S100PBP: variants seen among roughly 807,000 people sequenced by gnomAD.
S100PBP encodes S100P binding protein.
S100PBP carries 15 observed loss-of-function variants against 39.9 expected under a neutral mutation model. The observed-to-expected ratio is 0.38, with a 90% CI of 0.25 to 0.58. S100PBP has a LOEUF of 0.58. Among genes scored for constraint, S100PBP ranks in the 20% least tolerant of loss-of-function variants. The pLI is 0.70. For synonymous variants in S100PBP, 178 were observed against 180.3 expected (o/e 0.99, Z 0.10); for missense variants, 504 against 487.3 (o/e 1.03, Z -0.32).
chr1:32,839,834 T>C (rs1640007783), intron 5 of S100PBP, among the ~76,000 whole-genome samples: 2 of 152,180 alleles, frequency 1.3e-5, no homozygotes, highest in African/African-American at 4.8e-5. Flanking sequence ...TATTTGTTTT[T>C]TGAGACAGGG....
chr1:32,831,042 C>T (rs1021295476), intron 5 of S100PBP, among the ~76,000 whole-genome samples: 4 of 149,650 alleles, frequency 2.7e-5, no homozygotes, highest in Non-Finnish European at 2.9e-5. Flanking sequence ...ATCATGCCGT[C>T]GCACTTTAAC....
In S100PBP at chr1:32,855,919, G is replaced by T. The variant is rs372300966; in HGVS notation, c.1113-5G>T. ...TTCCTGTTTGTACTCTCCCTCTCTC[G>T]ATAGAAACTACGCCCGCCGACAGAA... On this transcript the variant is annotated splice_polypyrimidine_tract_variant and splice_region_variant and intron_variant, in intron 6 of 6. Transcript: ENST00000373475. 1.9e-6 allele frequency: 3 copies of T among 1,607,958 alleles called. No individual in the cohort carries two copies. Among genetic ancestry groups the T allele is most frequent in the Middle Eastern group, 3.3e-4 (2 of 6,066 alleles).
intron 5 of S100PBP, among the ~76,000 whole-genome samples, chr1:32,840,107 C>G (rs7412070): frequency 0.043 from 6,490 of 152,234 alleles, 355 homozygotes; most frequent in African/African-American, 0.13. Flanking sequence ...GTCTCAGCCT[C>G]CTGAGTAGCT....
At position 32,856,205 on chromosome 1, in the gene S100PBP, AT is replaced by A; in HGVS notation, c.*174del. The A allele has an allele frequency of 8.8e-6, 4 of 456,594 alleles. No individual in the cohort carries two copies. Among genetic ancestry groups the A allele is most frequent in the Middle Eastern group, 5.9e-4 (1 of 1,682 alleles). The allele number at this position is 456,594 out of a possible 1,614,324, so 28.3% of individuals were successfully genotyped here. A position where few individuals can be genotyped will look rare whatever the true frequency, so the allele number is the denominator to read the frequency against. ...TTGGAAATGCCCATTGCCGACTTGA[AT>A]TTTTTTGTATGAAGTCCCTCCTGAT... On this transcript the variant is annotated 3_prime_UTR_variant, in exon 7 of 7. Transcript: ENST00000373475.
chr1:32,842,199 A>C (rs1176104764), intron 5 of S100PBP, among the ~76,000 whole-genome samples: 9 of 109,126 alleles, frequency 8.2e-5, no homozygotes, highest in Non-Finnish European at 1.4e-4. Context: ...AAAAAAAAAA[A>C]AAAACATATA....
intron 6 of S100PBP, among the ~76,000 whole-genome samples, chr1:32,855,389 G>A (rs1640780113): frequency 6.6e-6 from 1 of 152,108 alleles, no homozygotes; most frequent in African/African-American, 2.4e-5. Context: ...AACTAAATGA[G>A]ACTTTTAAGA....
rs1394702213 is a variant in S100PBP, at chr1:32,856,973, C to G, written c.*935C>G. 2.6e-5 allele frequency: 4 copies of G among 152,120 alleles called. No individual in the cohort carries two copies. The South Asian group carries it at 8.3e-4, about 32-fold the overall frequency. The allele number at this position is 152,120 out of a possible 1,614,324, so 9.4% of individuals were successfully genotyped here. A position where few individuals can be genotyped will look rare whatever the true frequency, so the allele number is the denominator to read the frequency against. On this transcript the variant is annotated 3_prime_UTR_variant, in exon 7 of 7. Transcript: ENST00000373475. Reference sequence around the variant, plus strand: ...GAGCTGCCCACCCAGAGTCTTGACTCTAGGGCAGGCTAGTGCTATTGTGGT... The same window carrying G: ...GAGCTGCCCACCCAGAGTCTTGACTGTAGGGCAGGCTAGTGCTATTGTGGT...
intron 6 of S100PBP, 133 bp downstream of exon 6, chr1:32,853,299 C>T (rs1640693329): frequency 1.8e-6 from 1 of 547,334 alleles, no homozygotes; most frequent in Non-Finnish European, 3.3e-6. Context: ...CATGGTGAAA[C>T]CCCATATCTA....
At chr1:32,819,631 C>T (rs1448788811) in intron 1 of S100PBP, among the ~76,000 whole-genome samples, 1 of 152,104 alleles carries the variant, frequency 6.6e-6, no homozygotes, top group Non-Finnish European at 1.5e-5. Flanking sequence ...CAGACAAGTG[C>T]TAAGAAAGGT....
At chr1:32,831,922 C>T (rs1173232152) in intron 5 of S100PBP, among the ~76,000 whole-genome samples, 1 of 152,158 alleles carries the variant, frequency 6.6e-6, no homozygotes, top group Non-Finnish European at 1.5e-5. Flanking sequence ...CAGCTGTTCA[C>T]ACTATAACAT....
chr1:32,838,843 C>CAAA (rs745436929), intron 5 of S100PBP, among the ~76,000 whole-genome samples: 1 of 104,764 alleles, frequency 9.5e-6, no homozygotes. Flanking sequence ...AACTCCGTCT[C>CAAA]AAAAAAAAAA....
At chr1:32,854,934 C>T (rs1042198432) in intron 6 of S100PBP, among the ~76,000 whole-genome samples, 27 of 152,340 alleles carry the variant, frequency 1.8e-4, no homozygotes, top group East Asian at 7.7e-4. Flanking sequence ...GCTTACTCTA[C>T]TCTATGACCT....
intron 1 of S100PBP, chr1:32,818,020 G>A (rs565549938): frequency 6.5e-6 from 1 of 152,944 alleles, no homozygotes; most frequent in East Asian, 1.9e-4. Flanking sequence ...CCGGCTCGGC[G>A]GGAGGCTGTT....
At chr1:32,852,247 A>AGGTTG (rs1356592733) in intron 5 of S100PBP, among the ~76,000 whole-genome samples, 1 of 152,042 alleles carries the variant, frequency 6.6e-6, no homozygotes, top group Non-Finnish European at 1.5e-5. Flanking sequence ...CAAGAGGCAG[A>AGGTTG]GGTTGCAGTG....
chr1:32,837,175 A>T (rs1184555158), intron 5 of S100PBP: 1 of 150,800 alleles, frequency 6.6e-6, no homozygotes, highest in Admixed American at 6.6e-5. Flanking sequence ...AAAAAAAAAA[A>T]AAAGAAATTT....
At chr1:32,840,505 C>T (rs1186412532) in intron 5 of S100PBP, among the ~76,000 whole-genome samples, 2 of 150,510 alleles carry the variant, frequency 1.3e-5, no homozygotes, top group East Asian at 2.0e-4. Flanking sequence ...TACAGGCACC[C>T]GCCACCACGC....
At chr1:32,825,730 T>C (rs190220039) in intron 2 of S100PBP, among the ~76,000 whole-genome samples, 2 of 152,212 alleles carry the variant, frequency 1.3e-5, no homozygotes, top group Admixed American at 1.3e-4. Context: ...AACATCCATG[T>C]ATATATATAT....
intron 5 of S100PBP, among the ~76,000 whole-genome samples, chr1:32,841,716 C>CA (rs1235312462): frequency 2.5e-5 from 2 of 78,954 alleles, no homozygotes; most frequent in Non-Finnish European, 4.8e-5. Context: ...GCAACAAGAG[C>CA]AAAACTCTGT....
intron 5 of S100PBP, chr1:32,843,016 C>G (rs1363732194): frequency 6.6e-6 from 1 of 152,128 alleles, no homozygotes; most frequent in Non-Finnish European, 1.5e-5. Context: ...CGGAGTGTTT[C>G]ATATTGTGAT....
Sources: gnomAD v4.1 joint callset for allele counts (sites outside exome capture counted in the v4.1 genomes callset) on GRCh38, gnomAD v4.1.1 for gene constraint, MANE v1.5 for transcripts, NCBI Gene and HGNC (gene_info 2026-07-23, HGNC 2026-07-21) for gene names.